The following CENPP variants were observed in gnomAD, a reference collection of about 807,000 sequenced individuals.
The protein encoded by CENPP is centromere protein P.
In CENPP, 24 loss-of-function variants were observed where a neutral mutation model predicts 35.6. That is an observed-to-expected ratio of 0.67 (90% CI 0.49 to 0.95). The LOEUF (loss-of-function observed/expected upper bound fraction) is 0.95. CENPP is among the 40% of genes least tolerant of loss of function. The pLI, the probability that CENPP is intolerant of heterozygous loss-of-function variation, is 0.00. For missense variants in CENPP, 332 were observed against 345.3 expected (o/e 0.96, Z 0.31); for synonymous variants, 120 against 125.5 (o/e 0.96, Z 0.29).
At chr9:92,420,071 T>A (rs892635308) in intron 5 of CENPP, among the ~76,000 whole-genome samples, 47 of 152,194 alleles carry the variant, frequency 3.1e-4, no homozygotes, top group South Asian at 2.1e-4. Context: ...CCTGCAGTGA[T>A]ACTTTCCTTC....
chr9:92,444,360 G>A (rs1844497680), intron 5 of CENPP, among the ~76,000 whole-genome samples: 1 of 151,414 alleles, frequency 6.6e-6, no homozygotes, highest in Non-Finnish European at 1.5e-5. Context: ...GGGTTTTTAA[G>A]TATTGAGTGG....
chr9:92,570,877 T>C (rs1307998334), intron 5 of CENPP, among the ~76,000 whole-genome samples: 1 of 152,248 alleles, frequency 6.6e-6, no homozygotes, highest in Admixed American at 6.5e-5. Flanking sequence ...GAGGTGTTTA[T>C]AGTATTATCT....
At chr9:92,397,054 G>C (rs1247560636) in intron 5 of CENPP, among the ~76,000 whole-genome samples, 1 of 151,780 alleles carries the variant, frequency 6.6e-6, no homozygotes, top group Non-Finnish European at 1.5e-5. Flanking sequence ...GCACGTTCCT[G>C]TAGTCCCAGC....
intron 5 of CENPP, chr9:92,385,701 C>G (rs371372601): frequency 1.9e-6 from 3 of 1,613,982 alleles, no homozygotes; most frequent in Non-Finnish European, 2.5e-6. Flanking sequence ...GATTGCCCTC[C>G]AGGCGTATCT....
At chr9:92,501,343 C>T (rs1485501853) in intron 5 of CENPP, among the ~76,000 whole-genome samples, 1 of 152,110 alleles carries the variant, frequency 6.6e-6, no homozygotes, top group Admixed American at 6.5e-5. Flanking sequence ...TACTGAGGCC[C>T]AAAGACTAAA....
intron 5 of CENPP, among the ~76,000 whole-genome samples, chr9:92,499,121 G>T (rs926391751): frequency 6.6e-6 from 1 of 152,196 alleles, no homozygotes; most frequent in Non-Finnish European, 1.5e-5. Context: ...AAGCAAGTGA[G>T]CAGACACAAG....
intron 5 of CENPP, among the ~76,000 whole-genome samples, chr9:92,605,887 T>C (rs897867480): frequency 4.6e-5 from 7 of 152,178 alleles, no homozygotes; most frequent in Admixed American, 2.0e-4. Context: ...ATATTTTTGA[T>C]CATATATTGG....
At chr9:92,563,406 G>C (rs1849892664) in intron 5 of CENPP, among the ~76,000 whole-genome samples, 1 of 152,178 alleles carries the variant, frequency 6.6e-6, no homozygotes, top group Non-Finnish European at 1.5e-5. Context: ...ATGTGTATCA[G>C]TGTATCATTT....
intron 5 of CENPP, among the ~76,000 whole-genome samples, chr9:92,511,247 T>G (rs1252702694): frequency 1.3e-5 from 2 of 152,072 alleles, no homozygotes; most frequent in Non-Finnish European, 2.9e-5. Flanking sequence ...TGCCTCAGCC[T>G]CCCGAGTAGC....
At chr9:92,457,164 C>G in intron 5 of CENPP, 2 of 1,430,510 alleles carry the variant, frequency 1.4e-6, no homozygotes, top group South Asian at 1.6e-5. Flanking sequence ...AGTCAGTGGA[C>G]TTACCACTTG....
chr9:92,484,488 C>G (rs1846008793), intron 5 of CENPP, among the ~76,000 whole-genome samples: 1 of 152,166 alleles, frequency 6.6e-6, no homozygotes, highest in Non-Finnish European at 1.5e-5. Context: ...GAATAAGCCA[C>G]AAATTGTTTA....
chr9:92,369,600 TCAAAG>T (rs1841964234), intron 4 of CENPP, among the ~76,000 whole-genome samples: 1 of 152,236 alleles, frequency 6.6e-6, no homozygotes, highest in Non-Finnish European at 1.5e-5. Flanking sequence ...TATTAATTCT[TCAAAG>T]CAATGAGCAT....
intron 5 of CENPP, among the ~76,000 whole-genome samples, chr9:92,453,305 G>C (rs547055006): frequency 6.6e-6 from 1 of 152,080 alleles, no homozygotes; most frequent in Non-Finnish European, 1.5e-5. Flanking sequence ...TTGTGTCTTT[G>C]TTCTCATTGG....
intron 5 of CENPP, among the ~76,000 whole-genome samples, chr9:92,434,408 G>C (rs953501302): frequency 2.1e-5 from 3 of 145,742 alleles, no homozygotes; most frequent in Middle Eastern, 3.6e-3. Context: ...AAAAAAAATA[G>C]AATGAGTAAT....
intron 5 of CENPP, among the ~76,000 whole-genome samples, chr9:92,542,137 G>T (rs753689555): frequency 2.6e-5 from 4 of 152,040 alleles, no homozygotes; most frequent in Non-Finnish European, 5.9e-5. Flanking sequence ...TAGATCATCC[G>T]GTAGTTCTAC....
At position 92,616,147 on chromosome 9, in the gene CENPP, T is replaced by C; in HGVS notation, c.*2998T>C. 2.4e-6 allele frequency: 2 copies of C among 826,746 alleles called. No individual in the cohort carries two copies. The highest frequency in any genetic ancestry group is 2.7e-5 in the East Asian group (1 of 37,350). 51.2% of individuals were successfully genotyped at this position (826,746 alleles called of 1,614,324 possible). ...TCTCTCCCTTTCTTCTTTCAACTAG[T>C]ATGTTTTTATGTTTTTTCTTTGACT... is the stretch of plus-strand genomic sequence containing the variant. On this transcript the variant is annotated 3_prime_UTR_variant, in exon 8 of 8. Transcript: ENST00000375587.
intron 3 of CENPP, 35 bp downstream of exon 3, chr9:92,337,664 C>T: frequency 7.9e-7 from 1 of 1,258,564 alleles, no homozygotes; most frequent in Non-Finnish European, 1.2e-6. Flanking sequence ...AACAGAGATA[C>T]TTCTGCTATG....
intron 5 of CENPP, among the ~76,000 whole-genome samples, chr9:92,435,557 C>T (rs1385104506): frequency 6.6e-6 from 1 of 152,158 alleles, no homozygotes; most frequent in East Asian, 1.9e-4. Flanking sequence ...TTTATAGGTA[C>T]ATAAATCTCT....
intron 5 of CENPP, among the ~76,000 whole-genome samples, chr9:92,547,857 G>A (rs1411702322): frequency 6.6e-6 from 1 of 152,160 alleles, no homozygotes. Flanking sequence ...AATACTGACA[G>A]TTTTCCCTTT....
Sources: gnomAD v4.1 joint callset for allele counts (sites outside exome capture counted in the v4.1 genomes callset) on GRCh38, gnomAD v4.1.1 for gene constraint, MANE v1.5 for transcripts, NCBI Gene and HGNC (gene_info 2026-07-23, HGNC 2026-07-21) for gene names.